The following ODF2L variants were observed in gnomAD, a reference collection of about 807,000 sequenced individuals.
ODF2L encodes the protein protein BCAP.
ODF2L carries 76 observed loss-of-function variants against 86.3 expected under a neutral mutation model. The ratio of observed to expected loss-of-function variants is 0.88; its 90% CI spans 0.73 to 1.07. The LOEUF (loss-of-function observed/expected upper bound fraction) is 1.07, where lower values mean the gene tolerates loss of function less well. Ranked by LOEUF, ODF2L falls within the 50% of genes least tolerant of loss-of-function variation. The probability of loss-of-function intolerance (pLI) is 0.00; values close to 1 mark genes in which losing one functional copy is unlikely to be tolerated. For synonymous variants in ODF2L, 241 were observed against 231.3 expected (o/e 1.04, Z -0.38); for missense variants, 748 against 717.4 (o/e 1.04, Z -0.49).
intron 7 of ODF2L, among the ~76,000 whole-genome samples, chr1:86,379,377 A>C (rs868227494): frequency 1.3e-5 from 2 of 152,208 alleles, no homozygotes; most frequent in Non-Finnish European, 1.5e-5. Flanking sequence ...ATTATCAAAG[A>C]TACTATAGTG....
intron 8 of ODF2L, 40 bp downstream of exon 8, chr1:86,376,193 T>A: frequency 8.7e-7 from 1 of 1,152,004 alleles, no homozygotes; most frequent in Non-Finnish European, 1.3e-6. Flanking sequence ...ACTACGTACA[T>A]AATAGATCTT....
In ODF2L at chr1:86,356,533, G is replaced by A. The variant is rs368679168; in HGVS notation, c.1429C>T (p.Arg477Trp). 29 of 1,613,882 alleles carry A rather than the reference G, an allele frequency of 1.8e-5. No homozygotes were observed. In the African/African-American group the frequency reaches 2.7e-4, roughly 15 times the overall value. The stretch of plus-strand genomic sequence containing the variant: ...CTCTCCTGACACTCGTGAAGCCTCC[G>A]TTCCGCCGCCGTCAAGGAATCGCAG... Residue 477 changes from arginine to tryptophan, a missense_variant, in exon 14 of 18, where the codon CGG becomes TGG. Coordinates refer to ENST00000317336, the Ensembl canonical transcript of ODF2L.
intron 7 of ODF2L, among the ~76,000 whole-genome samples, chr1:86,379,474 T>C (rs1242801211): frequency 1.3e-5 from 2 of 152,186 alleles, no homozygotes; most frequent in East Asian, 1.9e-4. Context: ...TTATACATCA[T>C]ACTAGTTTTA....
At chr1:86,365,216 T>G (rs1338716472) in intron 11 of ODF2L, among the ~76,000 whole-genome samples, 1 of 152,182 alleles carries the variant, frequency 6.6e-6, no homozygotes, top group Non-Finnish European at 1.5e-5. Context: ...TACGATAGTA[T>G]TGACATGAGA....
intron 1 of ODF2L, 194 bp downstream of exon 1, chr1:86,395,839 C>CT (rs1661700144): frequency 1.3e-5 from 2 of 152,454 alleles, no homozygotes; most frequent in African/African-American, 4.8e-5. Flanking sequence ...TCTCGCCGCC[C>CT]TTTTCCCAGG....
chr1:86,366,616 A>AAAAAAT (rs1659459868), intron 11 of ODF2L, among the ~76,000 whole-genome samples: 1 of 151,390 alleles, frequency 6.6e-6, no homozygotes. Context: ...AAAAAAAAAA[A>AAAAAAT]GTGCCAATTG....
At chr1:86,362,752 T>G (rs1397972223) in intron 11 of ODF2L, among the ~76,000 whole-genome samples, 3 of 152,102 alleles carry the variant, frequency 2.0e-5, no homozygotes, top group South Asian at 2.1e-4. Flanking sequence ...CTCTGCCTCC[T>G]GGGTTCAAGC....
chr1:86,395,383 A>G (rs1661661353), intron 1 of ODF2L, among the ~76,000 whole-genome samples: 1 of 152,158 alleles, frequency 6.6e-6, no homozygotes, highest in Admixed American at 6.5e-5. Context: ...TCGTATTACA[A>G]CCACCCCAAA....
At chr1:86,373,030 T>A (rs1161385882) in intron 8 of ODF2L, among the ~76,000 whole-genome samples, 2 of 152,104 alleles carry the variant, frequency 1.3e-5, no homozygotes, top group African/African-American at 4.8e-5. Flanking sequence ...AGTGCTCGGG[T>A]GACAGGTGCA....
chr1:86,371,245 G>T (rs929442666), intron 9 of ODF2L, 92 bp from the exon 10 acceptor site: 1 of 603,824 alleles, frequency 1.7e-6, no homozygotes, highest in South Asian at 3.5e-5. Context: ...CACTTTGGCC[G>T]GGTGCATCGT....
chr1:86,356,571 T>C (rs1343755418), exon 14 of ODF2L: 1 of 1,613,918 alleles, frequency 6.2e-7, no homozygotes, highest in East Asian at 2.2e-5. Flanking sequence ...ACGCTCTAAC[T>C]CCTTCAGATG....
intron 8 of ODF2L, among the ~76,000 whole-genome samples, chr1:86,375,676 A>C (rs1660118260): frequency 6.6e-6 from 1 of 152,212 alleles, no homozygotes; most frequent in Admixed American, 6.5e-5. Flanking sequence ...CATGGTTTTA[A>C]ATGTATTACA....
chr1:86,353,028 AAT>A, intron 16 of ODF2L, 44 bp from the exon 16 acceptor site: 1 of 1,260,888 alleles, frequency 7.9e-7, no homozygotes, highest in African/African-American at 1.5e-5. Context: ...CTTTCTTTAA[AAT>A]ATGATTTAAA....
chr1:86,375,230 C>A (rs1027073202), intron 8 of ODF2L, among the ~76,000 whole-genome samples: 2 of 151,988 alleles, frequency 1.3e-5, no homozygotes. Context: ...CAACAACAAA[C>A]AAGAAAAACA....
intron 13 of ODF2L, 33 bp downstream of exon 12, chr1:86,358,754 T>C (rs1339018945): frequency 1.1e-6 from 1 of 896,110 alleles, no homozygotes; most frequent in Non-Finnish European, 1.7e-6. Flanking sequence ...AAAAAATATA[T>C]AAAATATTAT....
intron 11 of ODF2L, among the ~76,000 whole-genome samples, chr1:86,363,950 C>G (rs1016701866): frequency 6.6e-6 from 1 of 151,902 alleles, no homozygotes; most frequent in Non-Finnish European, 1.5e-5. Flanking sequence ...TAATAAAACA[C>G]AAACATCTAG....
At chr1:86,382,293 G>A (rs143933980) in exon 7 of ODF2L, 4 of 1,611,664 alleles carry the variant, frequency 2.5e-6, no homozygotes, top group South Asian at 2.2e-5. Flanking sequence ...TATGAATTTG[G>A]ATCTGTAGTC....
chr1:86,350,528 T>C (rs1658054479), exon 18 of ODF2L: 1 of 152,246 alleles, frequency 6.6e-6, no homozygotes, highest in South Asian at 2.1e-4. Flanking sequence ...TGGCTCCAAG[T>C]CTTTGCTATT....
intron 10 of ODF2L, chr1:86,368,767 A>T: frequency 7.6e-7 from 1 of 1,315,550 alleles, no homozygotes; most frequent in Non-Finnish European, 9.9e-7. Context: ...AATGTTCATC[A>T]GAGCATTATT....
Sources: allele counts gnomAD v4.1 joint callset (sites outside exome capture counted in the v4.1 genomes callset), GRCh38; gene constraint gnomAD v4.1.1; transcripts MANE v1.5; gene names NCBI Gene and HGNC (gene_info 2026-07-23, HGNC 2026-07-21).